Variants in PVT1 observed in about 807,000 individuals in gnomAD.
PVT1 encodes CXCR4/PVT1 fusion.
chr8:127,940,946 G>A (rs1816342444), intron 3 of PVT1, among the ~76,000 whole-genome samples: 1 of 152,176 alleles, frequency 6.6e-6, no homozygotes, highest in Non-Finnish European at 1.5e-5. Flanking sequence ...GATCTCTCCA[G>A]GCTAACATCA....
chr8:127,984,328 C>T (rs763618532), intron 3 of PVT1: 1 of 152,100 alleles, frequency 6.6e-6, no homozygotes, highest in Non-Finnish European at 1.5e-5. Context: ...TGATCACGTC[C>T]GCGTCTCTGT....
At chr8:127,820,056 T>A (rs1046130288) in intron 2 of PVT1, among the ~76,000 whole-genome samples, 4 of 152,200 alleles carry the variant, frequency 2.6e-5, no homozygotes, top group Non-Finnish European at 4.4e-5. Flanking sequence ...CCCGTGGGAC[T>A]TGCCCTGCAC....
chr8:128,043,832 T>TC (rs1263613989), intron 4 of PVT1, among the ~76,000 whole-genome samples: 2 of 131,454 alleles, frequency 1.5e-5, no homozygotes, highest in Non-Finnish European at 3.1e-5. Flanking sequence ...CATCTTGTCT[T>TC]TTTTTTTTTT....
chr8:127,806,732 G>C (rs1033195130), intron 2 of PVT1, among the ~76,000 whole-genome samples: 2 of 152,132 alleles, frequency 1.3e-5, no homozygotes, highest in African/African-American at 4.8e-5. Context: ...ACCAACCCCT[G>C]AGTTGTTTGC....
chr8:128,074,209 T>C (rs539097526), intron 5 of PVT1, among the ~76,000 whole-genome samples: 7 of 152,076 alleles, frequency 4.6e-5, no homozygotes, highest in Admixed American at 3.9e-4. Flanking sequence ...TTTGCCCATA[T>C]AGAAAAGCAT....
chr8:127,836,881 G>A (rs562530999), intron 2 of PVT1, among the ~76,000 whole-genome samples: 1 of 152,046 alleles, frequency 6.6e-6, no homozygotes, highest in East Asian at 1.9e-4. Context: ...TGGGCCGGGA[G>A]TCCCCCACCT....
At chr8:127,882,054 T>C (rs1196938473) in intron 2 of PVT1, among the ~76,000 whole-genome samples, 2 of 152,222 alleles carry the variant, frequency 1.3e-5, no homozygotes, top group Non-Finnish European at 2.9e-5. Context: ...CTTTGTTTTA[T>C]TGAACAGATG....
chr8:127,812,758 G>A (rs891062099), intron 2 of PVT1, among the ~76,000 whole-genome samples: 19 of 151,858 alleles, frequency 1.3e-4, no homozygotes, highest in African/African-American at 4.6e-4. Context: ...CTATCTTGAC[G>A]AAAAAAGTCT....
rs68010926 is a variant in PVT1, at chr8:127,970,289, G to GTTTTTTTTTTTTTTTTTTTTTTTTTTTT, written n.783-18847_783-18846insTTTTTTTTTTTTTTTTTTTTTTTTTTTT. 4.1e-5 allele frequency among the ~76,000 whole-genome samples: 2 copies of GTTTTTTTTTTTTTTTTTTTTTTTTTTTT among 49,116 alleles called. 1 individual carries two copies. The highest frequency in any genetic ancestry group is 1.7e-4 in the African/African-American group (2 of 11,782). 32.2% of individuals were successfully genotyped at this position (49,116 alleles called of 152,430 possible). On this transcript the variant is annotated intron_variant and non_coding_transcript_variant, in intron 3 of 10. Transcript: ENST00000651587. ...CATTCCTCTCCATCTGCCATGATTT[G>GTTTTTTTTTTTTTTTTTTTTTTTTTTTT]TTTTTTTTTTTTTTTTTTTTTTTTT... is the stretch of plus-strand genomic sequence containing the variant.
chr8:127,795,814 T>C (rs1682012074), intron 1 of PVT1: 1 of 163,652 alleles, frequency 6.1e-6, no homozygotes, highest in Non-Finnish European at 1.5e-5. Flanking sequence ...CCTGTGGTCA[T>C]AGCGAATCTT....
At chr8:127,879,783 T>C (rs993376830) in intron 2 of PVT1, among the ~76,000 whole-genome samples, 2 of 152,190 alleles carry the variant, frequency 1.3e-5, no homozygotes, top group African/African-American at 2.4e-5. Context: ...CTTCTGGGCT[T>C]CTGGTCATGC....
chr8:127,950,648 T>C (rs1816495525), intron 3 of PVT1, among the ~76,000 whole-genome samples: 1 of 152,144 alleles, frequency 6.6e-6, no homozygotes, highest in African/African-American at 2.4e-5. Context: ...GACAGATGTG[T>C]CACCAGAACT....
At position 127,902,522 on chromosome 8, in the gene PVT1, A is replaced by G. The variant is rs577798167; in HGVS notation, n.782+11524A>G. On this transcript the variant is annotated intron_variant and non_coding_transcript_variant, in intron 3 of 10. Coordinates refer to ENST00000651587, the Ensembl canonical transcript of PVT1. ...GGATGCGGTTGAAGTTTGGAGTATG[A>G]TTGAACTCATCACGCAGGTACTGAG... is the stretch of plus-strand genomic sequence containing the variant. Among the ~76,000 whole-genome samples, 6 of 150,110 alleles carry G rather than the reference A, an allele frequency of 4.0e-5. No homozygotes were observed. In the South Asian group the frequency reaches 1.3e-3, roughly 32 times the overall value.
At chr8:127,830,405 TGTGGGAGTGGG>T (rs894963350) in intron 2 of PVT1, among the ~76,000 whole-genome samples, 14 of 144,868 alleles carry the variant, frequency 9.7e-5, no homozygotes, top group African/African-American at 3.6e-4. Flanking sequence ...TATGTGGGGG[TGTGGGAGTGGG>T]GTTGGGGAAA....
intron 3 of PVT1, among the ~76,000 whole-genome samples, chr8:127,933,078 T>G (rs7014739): frequency 6.7e-6 from 1 of 148,638 alleles, no homozygotes; most frequent in Non-Finnish European, 1.5e-5. Context: ...AGTTTCATGA[T>G]TTTTTTTTTC....
chr8:128,099,795 C>T (rs1214968373), intron 6 of PVT1: 2 of 151,556 alleles, frequency 1.3e-5, no homozygotes, highest in South Asian at 2.1e-4. Context: ...TTTTCTAGAA[C>T]GTTCTTTTAA....
At chr8:127,960,228 CAG>C (rs1381007149) in intron 3 of PVT1, among the ~76,000 whole-genome samples, 2 of 152,146 alleles carry the variant, frequency 1.3e-5, no homozygotes, top group East Asian at 3.9e-4. Context: ...CTTTTTTGAA[CAG>C]AGGGGTACAT....
At chr8:128,002,588 G>T (rs1817193327) in intron 4 of PVT1, among the ~76,000 whole-genome samples, 1 of 152,142 alleles carries the variant, frequency 6.6e-6, no homozygotes, top group African/African-American at 2.4e-5. Flanking sequence ...CTGGAGGCTG[G>T]CCATCCTTGG....
At chr8:127,945,086 G>A (rs760442272) in intron 3 of PVT1, among the ~76,000 whole-genome samples, 13 of 152,294 alleles carry the variant, frequency 8.5e-5, no homozygotes, top group Non-Finnish European at 1.5e-4. Flanking sequence ...GTGTGTGTGG[G>A]AAGTTGGATC....
Sources: allele counts gnomAD v4.1 joint callset (sites outside exome capture counted in the v4.1 genomes callset), GRCh38; gene constraint gnomAD v4.1.1; transcripts MANE v1.5; gene names NCBI Gene and HGNC (gene_info 2026-07-23, HGNC 2026-07-21).